Variants in CNTN5 observed in about 807,000 individuals in gnomAD.
CNTN5 encodes the protein contactin 5, also known as contactin-5.
CNTN5 carries 77 observed loss-of-function variants against 129.1 expected under a neutral mutation model. The ratio of observed to expected loss-of-function variants is 0.60; its 90% CI spans 0.50 to 0.72. The LOEUF (loss-of-function observed/expected upper bound fraction) is 0.72, where lower values mean the gene tolerates loss of function less well. Ranked by LOEUF, CNTN5 falls within the 30% of genes least tolerant of loss-of-function variation. The probability of loss-of-function intolerance (pLI) is 0.00; values close to 1 mark genes in which losing one functional copy is unlikely to be tolerated. For missense variants in CNTN5, 1,478 were observed against 1,328.8 expected, an observed-to-expected ratio of 1.11 and a Z score of -1.75; for synonymous variants, 509 against 465.6, an observed-to-expected ratio of 1.09 and a Z score of -1.20.
At chr11:99,973,043 G>T (rs1937683565) in intron 8 of CNTN5, among the ~76,000 whole-genome samples, 2 of 151,612 alleles carry the variant, frequency 1.3e-5, no homozygotes, top group African/African-American at 4.9e-5. Context: ...ACTAGATAGG[G>T]TTGCCTAAAA....
intron 15 of CNTN5, among the ~76,000 whole-genome samples, chr11:100,194,289 C>T (rs1948577964): frequency 6.6e-6 from 1 of 151,698 alleles, no homozygotes; most frequent in Non-Finnish European, 1.5e-5. Context: ...GAAAAGAGGC[C>T]CCTTCCCCAC....
chr11:99,138,814 A>C (rs944671164), intron 1 of CNTN5, among the ~76,000 whole-genome samples: 1 of 152,190 alleles, frequency 6.6e-6, no homozygotes, highest in African/African-American at 2.4e-5. Context: ...CTGAAATGTA[A>C]ACAAATATGG....
intron 3 of CNTN5, among the ~76,000 whole-genome samples, chr11:99,801,629 C>CTTT (rs71463594): frequency 2.1e-5 from 3 of 140,644 alleles, no homozygotes; most frequent in South Asian, 2.1e-4. Flanking sequence ...TTTTTTAACT[C>CTTT]TTTTTTAAAT....
chr11:99,046,190 A>C (rs1448560977), intron 1 of CNTN5, among the ~76,000 whole-genome samples: 3 of 152,202 alleles, frequency 2.0e-5, no homozygotes, highest in Admixed American at 6.5e-5. Flanking sequence ...AATACAAAAA[A>C]AAATCTGGGT....
Position 100,181,936 on chromosome 11 carries a change from C to G in CNTN5, c.1581-9190C>G, listed in dbSNP as rs530062167. Among the ~76,000 whole-genome samples, 21 of 152,078 alleles carry G rather than the reference C, an allele frequency of 1.4e-4. No individual in the cohort carries two copies. In the South Asian group the frequency reaches 4.4e-3, roughly 32 times the overall value. On this transcript the variant is annotated intron_variant, in intron 13 of 24. Coordinates refer to ENST00000524871, the MANE Select transcript of CNTN5 (RefSeq NM_014361.4). ...AAGTTCCAATCAAAATCTCAGCATG[C>G]CTTTTTAGAAACTGACAAGCTAATT...
chr11:99,585,508 T>C (rs930488592), intron 3 of CNTN5, among the ~76,000 whole-genome samples: 1 of 152,142 alleles, frequency 6.6e-6, no homozygotes, highest in Non-Finnish European at 1.5e-5. Flanking sequence ...AAAATATATA[T>C]ATTTAGGTTA....
At chr11:99,082,123 C>A (rs1591161048) in intron 1 of CNTN5, among the ~76,000 whole-genome samples, 1 of 151,540 alleles carries the variant, frequency 6.6e-6, no homozygotes, top group South Asian at 2.1e-4. Context: ...ACAGAATCAC[C>A]CCAGGTCCTG....
chr11:100,056,519 A>T (rs1943229785), intron 9 of CNTN5, among the ~76,000 whole-genome samples: 1 of 151,762 alleles, frequency 6.6e-6, no homozygotes, highest in Admixed American at 6.6e-5. Context: ...AGCAAAAATT[A>T]GAAAGAGGGC....
At chr11:99,474,780 C>T (rs1360087127) in intron 2 of CNTN5, among the ~76,000 whole-genome samples, 1 of 152,140 alleles carries the variant, frequency 6.6e-6, no homozygotes, top group Non-Finnish European at 1.5e-5. Flanking sequence ...TAGGTTTCCA[C>T]ATTTGGTTTT....
chr11:100,003,672 A>G (rs1940015698), intron 9 of CNTN5: 1 of 152,206 alleles, frequency 6.6e-6, no homozygotes, highest in Non-Finnish European at 1.5e-5. Context: ...TATGTTTAGT[A>G]AATTGAGGCT....
intron 2 of CNTN5, among the ~76,000 whole-genome samples, chr11:99,370,458 T>C (rs1349953094): frequency 6.6e-6 from 1 of 152,166 alleles, no homozygotes; most frequent in East Asian, 1.9e-4. Context: ...ATTGAACACT[T>C]CCCAAATTCC....
chr11:99,628,812 A>G (rs957348657), intron 3 of CNTN5, among the ~76,000 whole-genome samples: 3 of 152,046 alleles, frequency 2.0e-5, no homozygotes, highest in Admixed American at 1.3e-4. Context: ...ATGGAATTGC[A>G]TCTAAATAAT....
At chr11:100,043,682 C>A (rs543694128) in intron 9 of CNTN5, among the ~76,000 whole-genome samples, 1 of 151,928 alleles carries the variant, frequency 6.6e-6, no homozygotes, top group Admixed American at 6.6e-5. Flanking sequence ...ACATTTTTTG[C>A]CTCCTGCAAA....
In CNTN5 at chr11:99,325,333, T is replaced by G. The variant is rs1865737610; in HGVS notation, c.-209-13T>G. The stretch of plus-strand genomic sequence containing the variant: ...TGATTTTTATCACAATAGTATATAT[T>G]ATTTCTTAACAGGTGTCTTTAAAGG... On this transcript the variant is annotated splice_polypyrimidine_tract_variant and intron_variant, in intron 1 of 24. Coordinates refer to ENST00000524871, the MANE Select transcript of CNTN5 (RefSeq NM_014361.4). The G allele has an allele frequency of 6.6e-6, 1 of 152,146 alleles. No individual in the cohort carries two copies. The highest frequency in any genetic ancestry group is 1.5e-5 in the Non-Finnish European group (1 of 68,022). 9.4% of individuals were successfully genotyped at this position (152,146 alleles called of 1,614,324 possible).
chr11:99,309,821 A>T (rs530365905), intron 1 of CNTN5, among the ~76,000 whole-genome samples: 24 of 152,234 alleles, frequency 1.6e-4, no homozygotes, highest in African/African-American at 3.6e-4. Context: ...AGTTTTTTTT[A>T]AAAATTTAAC....
intron 13 of CNTN5, among the ~76,000 whole-genome samples, chr11:100,184,154 A>G (rs1207058822): frequency 6.6e-6 from 1 of 152,104 alleles, no homozygotes; most frequent in Non-Finnish European, 1.5e-5. Flanking sequence ...TTCCTTTTTA[A>G]CATTTATCAC....
chr11:99,103,478 A>G (rs1245847742), intron 1 of CNTN5, among the ~76,000 whole-genome samples: 1 of 152,016 alleles, frequency 6.6e-6, no homozygotes, highest in Admixed American at 6.6e-5. Context: ...TCATCATCTT[A>G]TTTATTCTCC....
intron 2 of CNTN5, among the ~76,000 whole-genome samples, chr11:99,438,544 C>A (rs954259511): frequency 2.0e-5 from 3 of 151,338 alleles, no homozygotes; most frequent in African/African-American, 4.8e-5. Context: ...CTCTTCATAT[C>A]TCTCTCTCTC....
chr11:99,077,676 A>T (rs1865632163), intron 1 of CNTN5, among the ~76,000 whole-genome samples: 1 of 152,180 alleles, frequency 6.6e-6, no homozygotes, highest in African/African-American at 2.4e-5. Context: ...CATTTCAAGG[A>T]AGAAAGCAGG....
Sources: gnomAD v4.1 joint callset for allele counts (sites outside exome capture counted in the v4.1 genomes callset) on GRCh38, gnomAD v4.1.1 for gene constraint, MANE v1.5 for transcripts, NCBI Gene and HGNC (gene_info 2026-07-23, HGNC 2026-07-21) for gene names.